ATRNL1: variants seen among roughly 807,000 people sequenced by gnomAD.
ATRNL1 encodes attractin-like protein 1.
In ATRNL1, 95 loss-of-function variants were observed where a neutral mutation model predicts 182.7. That is an observed-to-expected ratio of 0.52 (90% CI 0.44 to 0.62). The LOEUF (loss-of-function observed/expected upper bound fraction) is 0.62, where lower values mean the gene tolerates loss of function less well. ATRNL1 is among the 20% of genes least tolerant of loss of function. ATRNL1 has a pLI of 0.00. For missense variants in ATRNL1, 1,471 were observed against 1,679.5 expected (o/e 0.88, Z 2.17); for synonymous variants, 576 against 568.3 (o/e 1.01, Z -0.19).
chr10:115,138,784 A>G (rs1007545591), intron 5 of ATRNL1, among the ~76,000 whole-genome samples: 1 of 152,182 alleles, frequency 6.6e-6, no homozygotes, highest in Non-Finnish European at 1.5e-5. Context: ...GGTGATTAAC[A>G]TTCAGCTCCT....
chr10:115,124,534 T>G (rs1456908407), intron 3 of ATRNL1, among the ~76,000 whole-genome samples: 1 of 152,142 alleles, frequency 6.6e-6, no homozygotes, highest in Non-Finnish European at 1.5e-5. Flanking sequence ...TATGTAGCCA[T>G]GAGTGATTGA....
chr10:115,370,320 G>C (rs1554947656), intron 19 of ATRNL1, among the ~76,000 whole-genome samples: 2 of 152,222 alleles, frequency 1.3e-5, no homozygotes, highest in Non-Finnish European at 2.9e-5. Flanking sequence ...AGCAACTTTG[G>C]AACTGGTTAC....
At chr10:115,321,178 G>T (rs183914601) in intron 18 of ATRNL1, among the ~76,000 whole-genome samples, 2 of 152,078 alleles carry the variant, frequency 1.3e-5, no homozygotes, top group Non-Finnish European at 2.9e-5. Context: ...TTTGCTGGGG[G>T]TTCACTTCAG....
intron 25 of ATRNL1, among the ~76,000 whole-genome samples, chr10:115,539,742 A>T (rs1242973342): frequency 1.3e-5 from 2 of 152,140 alleles, no homozygotes; most frequent in Non-Finnish European, 2.9e-5. Context: ...CACAGTGGGA[A>T]GCAGTAAGAA....
chr10:115,588,538 G>T (rs1855711012), intron 26 of ATRNL1, among the ~76,000 whole-genome samples: 1 of 152,170 alleles, frequency 6.6e-6, no homozygotes, highest in African/African-American at 2.4e-5. Context: ...AGTGTTTTAA[G>T]AACCAAACCC....
intron 27 of ATRNL1, among the ~76,000 whole-genome samples, chr10:115,751,624 T>C (rs1593168148): frequency 6.6e-6 from 1 of 152,032 alleles, no homozygotes; most frequent in Admixed American, 6.6e-5. Flanking sequence ...CAAAAAATAC[T>C]GGGAACAACC....
intron 17 of ATRNL1, among the ~76,000 whole-genome samples, chr10:115,313,626 A>T (rs2134009479): frequency 6.6e-6 from 1 of 152,292 alleles, no homozygotes; most frequent in South Asian, 2.1e-4. Flanking sequence ...ACTTTAGGTC[A>T]ATAGGTGGTG....
chr10:115,635,976 A>G (rs1168909022), intron 26 of ATRNL1, among the ~76,000 whole-genome samples: 2 of 152,116 alleles, frequency 1.3e-5, no homozygotes, highest in African/African-American at 4.8e-5. Flanking sequence ...ATGTCAGGTG[A>G]GCGCTTCCCC....
At chr10:115,363,603 T>A (rs1488760141) in intron 19 of ATRNL1, among the ~76,000 whole-genome samples, 1 of 150,418 alleles carries the variant, frequency 6.6e-6, no homozygotes, top group Non-Finnish European at 1.5e-5. Context: ...CATGCCTATG[T>A]CCTGAATGGT....
intron 28 of ATRNL1, among the ~76,000 whole-genome samples, chr10:115,914,715 T>C (rs1463870988): frequency 1.3e-5 from 2 of 152,176 alleles, no homozygotes; most frequent in African/African-American, 2.4e-5. Context: ...GACCTTTCCA[T>C]TTTATGTTTC....
chr10:115,477,505 G>T (rs1848587524), intron 24 of ATRNL1, among the ~76,000 whole-genome samples: 1 of 151,390 alleles, frequency 6.6e-6, no homozygotes, highest in Non-Finnish European at 1.5e-5. Context: ...AGTCCAACTG[G>T]CAAATTTAGG....
chr10:115,399,138 C>T (rs1428513855), intron 20 of ATRNL1, among the ~76,000 whole-genome samples: 1 of 152,144 alleles, frequency 6.6e-6, no homozygotes, highest in Non-Finnish European at 1.5e-5. Flanking sequence ...CATCAATGTT[C>T]ATCCAGGATA....
chr10:115,473,175 A>G (rs782471203), intron 24 of ATRNL1, among the ~76,000 whole-genome samples: 8 of 151,336 alleles, frequency 5.3e-5, no homozygotes, highest in Non-Finnish European at 1.0e-4. Flanking sequence ...CCATCCATGC[A>G]TTCCTGGGAT....
chr10:115,592,802 C>T (rs1208137547), intron 26 of ATRNL1, among the ~76,000 whole-genome samples: 5 of 152,152 alleles, frequency 3.3e-5, no homozygotes, highest in Non-Finnish European at 5.9e-5. Context: ...AACATAATTG[C>T]TTTTGTTGTT....
chr10:115,527,785 C>T (rs1220571523), intron 25 of ATRNL1, among the ~76,000 whole-genome samples: 1 of 143,102 alleles, frequency 7.0e-6, no homozygotes, highest in East Asian at 2.2e-4. Context: ...TCCTTCCCTC[C>T]CTCCCTCCCT....
intron 1 of ATRNL1, 137 bp downstream of exon 1, chr10:115,094,180 G>A: frequency 2.1e-6 from 2 of 964,026 alleles, no homozygotes; most frequent in Non-Finnish European, 2.7e-6. Flanking sequence ...AGCGCGCGGC[G>A]GGAGCGGGCG....
At chr10:115,803,629 CT>C (rs1949850463) in intron 27 of ATRNL1, among the ~76,000 whole-genome samples, 1 of 150,948 alleles carries the variant, frequency 6.6e-6, no homozygotes, top group African/African-American at 2.4e-5. Context: ...AGCAAATGGG[CT>C]TTTTATATAT....
chr10:115,319,427 A>T (rs1854470753), intron 18 of ATRNL1, among the ~76,000 whole-genome samples: 1 of 152,172 alleles, frequency 6.6e-6, no homozygotes, highest in Non-Finnish European at 1.5e-5. Context: ...GCTGAGTTCA[A>T]GTCCTGAATA....
intron 26 of ATRNL1, among the ~76,000 whole-genome samples, chr10:115,577,552 A>G (rs1854793051): frequency 6.7e-6 from 1 of 150,226 alleles, no homozygotes; most frequent in Non-Finnish European, 1.5e-5. Context: ...AATGCAACTG[A>G]TCTTACCATG....
Sources: gnomAD v4.1 joint callset for allele counts (sites outside exome capture counted in the v4.1 genomes callset) on GRCh38, gnomAD v4.1.1 for gene constraint, MANE v1.5 for transcripts, NCBI Gene and HGNC (gene_info 2026-07-23, HGNC 2026-07-21) for gene names.